KDELR2: variants seen among roughly 807,000 people sequenced by gnomAD.
KDELR2 encodes the protein KDEL endoplasmic reticulum protein retention receptor 2, also known as ER lumen protein-retaining receptor 2.
In KDELR2, 15 loss-of-function variants were observed where a neutral mutation model predicts 23.9. The observed-to-expected ratio is 0.63, with a 90% CI of 0.42 to 0.97. The LOEUF is 0.97. Ranked by LOEUF, KDELR2 falls within the 50% of genes least tolerant of loss-of-function variation. KDELR2 has a pLI of 0.00. For synonymous variants in KDELR2, 119 were observed against 106.2 expected (o/e 1.12, Z -0.74); for missense variants, 272 against 254.6 (o/e 1.07, Z -0.46).
At chr7:6,474,138 CT>C (rs1234207520) in intron 2 of KDELR2, 45 bp downstream of exon 2, 1 of 1,116,126 alleles carries the variant, frequency 9.0e-7, no homozygotes. Flanking sequence ...GTCCATAGAC[CT>C]GTGCACTGTA....
intron 1 of KDELR2, among the ~76,000 whole-genome samples, chr7:6,476,549 T>C (rs751097291): frequency 6.6e-6 from 1 of 152,158 alleles, no homozygotes; most frequent in Non-Finnish European, 1.5e-5. Context: ...AGGATACAAG[T>C]AGGTGAATTT....
chr7:6,482,661 T>C (rs911959779), intron 1 of KDELR2: 2 of 440,818 alleles, frequency 4.5e-6, no homozygotes, highest in Non-Finnish European at 9.6e-6. Context: ...ATCAGGTAAA[T>C]AGAGTCTCTG....
At chr7:6,472,684 A>G (rs1785674642) in intron 2 of KDELR2, among the ~76,000 whole-genome samples, 1 of 152,138 alleles carries the variant, frequency 6.6e-6, no homozygotes, top group Non-Finnish European at 1.5e-5. Flanking sequence ...TCCTTTCAAC[A>G]GTGCTTATGA....
chr7:6,481,027 C>G (rs768199556), intron 1 of KDELR2, among the ~76,000 whole-genome samples: 1 of 151,906 alleles, frequency 6.6e-6, no homozygotes, highest in Non-Finnish European at 1.5e-5. Context: ...TGAAGTATTT[C>G]ATATTTTCCT....
chr7:6,480,016 G>A (rs1785854280), intron 1 of KDELR2, among the ~76,000 whole-genome samples: 1 of 152,152 alleles, frequency 6.6e-6, no homozygotes, highest in Non-Finnish European at 1.5e-5. Context: ...TGAAATGTAT[G>A]GACACCATAA....
chr7:6,483,953 C>T lies in KDELR2; in HGVS notation c.91+14G>A, dbSNP rs760466324. On this transcript the variant is annotated intron_variant, in intron 1 of 4. Transcript: ENST00000258739. ...CCACGCCCGAGCCTCTCCGGGCCTT[C>T]CCCCGCCGCTCACCGGCGCAGGAGC... 4.0e-6 allele frequency: 6 copies of T among 1,503,616 alleles called. No individual in the cohort carries two copies. The South Asian group carries it at 6.2e-5, about 15-fold the overall frequency. The allele number at this position is 1,503,616 out of a possible 1,614,324, so 93.1% of individuals were successfully genotyped here. A position where few individuals can be genotyped will look rare whatever the true frequency, so the allele number is the denominator to read the frequency against.
At chr7:6,467,055 G>A (rs971641416) in intron 3 of KDELR2, among the ~76,000 whole-genome samples, 5 of 152,148 alleles carry the variant, frequency 3.3e-5, no homozygotes, top group Non-Finnish European at 7.3e-5. Context: ...CTGCCAGTGT[G>A]ACAAGCTGGG....
chr7:6,475,714 A>G (rs940243), intron 1 of KDELR2, among the ~76,000 whole-genome samples: 135,609 of 152,196 alleles, frequency 0.89, 60,896 homozygotes, highest in Non-Finnish European at 0.92. Flanking sequence ...CAAAGGACGC[A>G]AACTATGGGT....
At chr7:6,475,093 C>G (rs1785726589) in intron 1 of KDELR2, among the ~76,000 whole-genome samples, 1 of 152,154 alleles carries the variant, frequency 6.6e-6, no homozygotes. Context: ...GGCATCGCAT[C>G]CCATGGTGAC....
intron 2 of KDELR2, among the ~76,000 whole-genome samples, chr7:6,471,874 T>G (rs1785651119): frequency 6.6e-6 from 1 of 151,686 alleles, no homozygotes; most frequent in African/African-American, 2.4e-5. Flanking sequence ...GGGGTGGGAC[T>G]GCTGGGTCAT....
Position 6,474,298 on chromosome 7 carries a change from A to T in KDELR2, c.92-14T>A, listed in dbSNP as rs769386651. 4 of 1,572,692 alleles carry T rather than the reference A, an allele frequency of 2.5e-6. No homozygotes were observed. The highest frequency in any genetic ancestry group is 2.6e-6 in the Non-Finnish European group (3 of 1,142,314). On this transcript the variant is annotated splice_polypyrimidine_tract_variant and intron_variant, in intron 1 of 4. Transcript: ENST00000258739. ...TCCCAGAAATACCTAGAGAAACAGA[A>T]GGGAAGTATTAGAAGGGCCTGAAGA... is the stretch of plus-strand genomic sequence containing the variant.
Position 6,474,252 on chromosome 7 carries a change from G to T in KDELR2, c.124C>A (p.Leu42Met), listed in dbSNP as rs1785709654. Residue 42 changes from leucine to methionine, a missense_variant, in exon 2 of 5, where the codon CTG (leucine) becomes ATG (methionine). Physicochemically the swap from Leu to Met is conservative, Grantham distance 15. Coordinates refer to ENST00000258739, the MANE Select transcript of KDELR2 (RefSeq NM_006854.4). ...TCCAGGTAACGAGTTGTGAAGACCA[G>T]TGCAAACAGAAGCTGGCTTTTCCCA... ...ISGKSQLLFA[L>M]VFTTRYLDLF... is the part of the protein sequence containing the mutation. 2 of 1,613,730 alleles carry T rather than the reference G, an allele frequency of 1.2e-6. No individual in the cohort carries two copies.
chr7:6,474,319 G>T (rs1407870266), intron 1 of KDELR2, 35 bp from the exon 2 acceptor site: 1 of 1,434,396 alleles, frequency 7.0e-7, no homozygotes, highest in Non-Finnish European at 9.8e-7. Flanking sequence ...AGAAGGGCCT[G>T]AAGAGCTTTG....
rs201529691 is a variant in KDELR2 at position 6,464,734 on chromosome 7, CTTTTTTTTT to C, written c.604+1328_604+1336del. On this transcript the variant is annotated intron_variant, in intron 4 of 4. Coordinates refer to ENST00000258739, the MANE Select transcript of KDELR2 (RefSeq NM_006854.4). ...ATAAGACATATATGCTCTTTTTTTTCTTTTTTTTTTTTTTTTTTGAGACAGAGTTTTGCT... is the reference window on the plus strand; with the variant it reads ...ATAAGACATATATGCTCTTTTTTTTCTTTTTTTTTGAGACAGAGTTTTGCT... Among the ~76,000 whole-genome samples the C allele has an allele frequency of 9.0e-5, 10 of 111,230 alleles. No individual in the cohort carries two copies. In the South Asian group the frequency reaches 1.3e-3, roughly 15 times the overall value. The allele number at this position is 111,230 out of a possible 152,430, so 73.0% of individuals were successfully genotyped here. A position where few individuals can be genotyped will look rare whatever the true frequency, so the allele number is the denominator to read the frequency against.
Position 6,463,085 on chromosome 7 carries a change from G to C in KDELR2, c.*56C>G. The C allele has an allele frequency of 2.5e-6, 4 of 1,614,158 alleles. No individual in the cohort carries two copies. Among genetic ancestry groups the C allele is most frequent in the Non-Finnish European group, 2.5e-6 (3 of 1,180,006 alleles). On this transcript the variant is annotated 3_prime_UTR_variant, in exon 5 of 5. Coordinates refer to ENST00000258739, the MANE Select transcript of KDELR2 (RefSeq NM_006854.4). ...TCAAGCATCTTATGCCTTTGCTGTG[G>C]TAAGAATTCTGTCCGAGCACCCTGA...
chr7:6,473,530 A>T (rs6463562), intron 2 of KDELR2, among the ~76,000 whole-genome samples: 134,871 of 152,254 alleles, frequency 0.89, 60,192 homozygotes, highest in Non-Finnish European at 0.91. Context: ...GTTATACACT[A>T]GTTTTAATGT....
chr7:6,467,369 A>T (rs16871375), intron 3 of KDELR2, among the ~76,000 whole-genome samples: 11,231 of 152,204 alleles, frequency 0.074, 824 homozygotes, highest in East Asian at 0.25. Flanking sequence ...TCAAAGGGGT[A>T]GAAGTCACAA....
chr7:6,470,654 ATTGT>A (rs1208900198), intron 2 of KDELR2, among the ~76,000 whole-genome samples: 4 of 152,174 alleles, frequency 2.6e-5, no homozygotes, highest in Admixed American at 6.6e-5. Context: ...TATATTTGTT[ATTGT>A]TTGTTTTTGA....
chr7:6,465,246 C>A (rs941816191), intron 4 of KDELR2, among the ~76,000 whole-genome samples: 3 of 148,506 alleles, frequency 2.0e-5, no homozygotes, highest in African/African-American at 7.5e-5. Context: ...TGCAGTGGCG[C>A]GATCTGGGCT....
Sources: allele counts gnomAD v4.1 joint callset (sites outside exome capture counted in the v4.1 genomes callset), GRCh38; gene constraint gnomAD v4.1.1; transcripts MANE v1.5; gene names NCBI Gene and HGNC (gene_info 2026-07-23, HGNC 2026-07-21).